The following CADPS2 variants were observed in gnomAD, a reference collection of about 807,000 sequenced individuals.
The protein encoded by CADPS2 is calcium dependent secretion activator 2.
Under a neutral mutation model 172.5 loss-of-function variants are expected in CADPS2, and 93 were observed. The ratio of observed to expected loss-of-function variants is 0.54; its 90% confidence interval spans 0.46 to 0.64. The LOEUF (loss-of-function observed/expected upper bound fraction) is 0.64, where lower values mean the gene tolerates loss of function less well. Among genes scored for constraint, CADPS2 ranks in the 30% least tolerant of loss-of-function variants. The pLI, the probability that CADPS2 is intolerant of heterozygous loss-of-function variation, is 0.00. For synonymous variants in CADPS2, 546 were observed against 555.2 expected (o/e 0.98, Z 0.23); for missense variants, 1,420 against 1,565.9 (o/e 0.91, Z 1.57).
At chr7:122,594,253 A>G (rs2071380616) in intron 6 of CADPS2, among the ~76,000 whole-genome samples, 1 of 151,882 alleles carries the variant, frequency 6.6e-6, no homozygotes, top group Non-Finnish European at 1.5e-5. Context: ...TGGGCAAAAT[A>G]GTGAGACCCA....
At chr7:122,699,495 G>A (rs1286857336) in intron 2 of CADPS2, among the ~76,000 whole-genome samples, 2 of 152,162 alleles carry the variant, frequency 1.3e-5, no homozygotes, top group East Asian at 1.9e-4. Flanking sequence ...AGGCAAAAGT[G>A]GTGAGCTTAG....
rs117720180 is a variant in CADPS2, at chr7:122,371,853, T to C, written c.3387+7515A>G. On this transcript the variant is annotated intron_variant, in intron 25 of 29. Coordinates refer to ENST00000449022, the MANE Select transcript of CADPS2 (RefSeq NM_017954.11). ...ACAATGGGGTGATCAGTACTGCCAA[T>C]GGAGACAGCAAATGCAAAACAAGAG... Among the ~76,000 whole-genome samples, 1,127 of 152,128 alleles carry C rather than the reference T, an allele frequency of 7.4e-3. 7 individuals carry two copies. The highest frequency in any genetic ancestry group is 0.013 in the Non-Finnish European group (864 of 67,994).
chr7:122,406,536 A>C (rs548737453), intron 20 of CADPS2, among the ~76,000 whole-genome samples: 8 of 152,306 alleles, frequency 5.3e-5, no homozygotes, highest in Non-Finnish European at 1.2e-4. Context: ...CATGGTGAGC[A>C]CTGTGTTCTT....
chr7:122,363,722 G>A (rs1013240850), intron 25 of CADPS2, among the ~76,000 whole-genome samples: 8 of 152,104 alleles, frequency 5.3e-5, no homozygotes, highest in Admixed American at 1.3e-4. Context: ...AAAGAACTGT[G>A]AAAATGGCCA....
chr7:122,821,017 A>G (rs1338529883), intron 1 of CADPS2, among the ~76,000 whole-genome samples: 6 of 151,868 alleles, frequency 4.0e-5, no homozygotes, highest in Admixed American at 6.6e-5. Context: ...TGACGCATAT[A>G]CTTTCTGCTT....
chr7:122,531,859 C>T (rs1586912600), intron 8 of CADPS2, among the ~76,000 whole-genome samples: 1 of 151,950 alleles, frequency 6.6e-6, no homozygotes, highest in East Asian at 1.9e-4. Flanking sequence ...GGTGAAACCC[C>T]ATCTCTACTA....
rs564333962 is a variant in CADPS2 at position 122,886,087 on chromosome 7, C to T, written c.251G>A (p.Arg84His). The change falls in exon 1 of 30, where the codon CGC becomes CAC. Residue 84 changes from arginine to histidine, a missense_variant. By Grantham distance (29) the Arg-to-His change is conservative. Coordinates refer to ENST00000449022, the MANE Select transcript of CADPS2 (RefSeq NM_017954.11). ...CACGACGAAGACGTAGAGCTGCAGG[C>T]GGATCCTCCGCTCCTGCTCATCGTC... ...QLDDEQERRIRLQLYVFVVRC... is the reference protein window; with the variant it reads ...QLDDEQERRIHLQLYVFVVRC... 3.8e-6 allele frequency: 6 copies of T among 1,586,136 alleles called. No individual in the cohort carries two copies. The South Asian group carries it at 5.8e-5, about 15-fold the overall frequency.
In CADPS2 at chr7:122,616,223, GTC is replaced by G. The variant is rs1253367734; in HGVS notation, c.1105-926_1105-925del. On this transcript the variant is annotated intron_variant, in intron 5 of 29. Coordinates refer to ENST00000449022, the MANE Select transcript of CADPS2 (RefSeq NM_017954.11). ...TGCATTTTTATATATGTACATTGAT[GTC>G]TTAATTGATCCCATGTGGTATTTGC... Among the ~76,000 whole-genome samples, 22 of 152,106 alleles carry G rather than the reference GTC, an allele frequency of 1.4e-4. No individual in the cohort carries two copies. In the East Asian group the frequency reaches 4.1e-3, roughly 28 times the overall value.
intron 24 of CADPS2, 118 bp from the exon 25 acceptor site, chr7:122,379,560 T>G: frequency 1.4e-6 from 1 of 692,236 alleles, no homozygotes; most frequent in Non-Finnish European, 2.6e-6. Context: ...AATGATCATT[T>G]AGAACATTAA....
intron 17 of CADPS2, among the ~76,000 whole-genome samples, chr7:122,419,464 T>A (rs895088004): frequency 1.3e-5 from 2 of 152,216 alleles, no homozygotes; most frequent in East Asian, 3.9e-4. Context: ...TCACTTATCT[T>A]TCTTAATTTC....
At chr7:122,568,918 A>C (rs1442550684) in intron 7 of CADPS2, among the ~76,000 whole-genome samples, 1 of 152,184 alleles carries the variant, frequency 6.6e-6, no homozygotes, top group Non-Finnish European at 1.5e-5. Context: ...ACCCACAGCC[A>C]ATATCATATT....
intron 1 of CADPS2, among the ~76,000 whole-genome samples, chr7:122,856,927 T>C (rs1252592873): frequency 6.6e-6 from 1 of 152,204 alleles, no homozygotes; most frequent in Non-Finnish European, 1.5e-5. Flanking sequence ...TTATTCAATA[T>C]ATGTTACAAG....
rs2093931393 is a variant in CADPS2, at chr7:122,777,799, CT to C, written c.340-40732del. On this transcript the variant is annotated intron_variant, in intron 1 of 29. Coordinates refer to ENST00000449022, the MANE Select transcript of CADPS2 (RefSeq NM_017954.11). ...CCTGAGGCCTCCTAGCCCTGTGGAA[CT>C]GTGAATCAATTAAACCTCTCTCCTT... Among the ~76,000 whole-genome samples, 4 of 152,088 alleles carry C rather than the reference CT, an allele frequency of 2.6e-5. No individual in the cohort carries two copies. The South Asian group carries it at 8.3e-4, about 32-fold the overall frequency.
intron 1 of CADPS2, among the ~76,000 whole-genome samples, chr7:122,872,964 G>C (rs1294873652): frequency 2.6e-5 from 4 of 152,018 alleles, no homozygotes; most frequent in African/African-American, 9.7e-5. Flanking sequence ...AGAATAGTAA[G>C]CACAAACATA....
At chr7:122,472,292 G>A (rs1200700601) in intron 13 of CADPS2, among the ~76,000 whole-genome samples, 1 of 143,142 alleles carries the variant, frequency 7.0e-6, no homozygotes, top group Admixed American at 7.2e-5. Flanking sequence ...AAAGGGGGCA[G>A]GGTAATCATG....
intron 2 of CADPS2, among the ~76,000 whole-genome samples, chr7:122,665,885 C>A (rs1244347433): frequency 1.3e-5 from 2 of 152,118 alleles, no homozygotes; most frequent in Admixed American, 1.3e-4. Context: ...TAAGGCAACA[C>A]AAATTAATTC....
chr7:122,545,671 AGAAG>A (rs919113975), intron 8 of CADPS2, among the ~76,000 whole-genome samples: 1 of 152,152 alleles, frequency 6.6e-6, no homozygotes, highest in African/African-American at 2.4e-5. Context: ...TAGGGTTGGC[AGAAG>A]GAATAAAAAG....
At chr7:122,811,841 T>A (rs1800087429) in intron 1 of CADPS2, among the ~76,000 whole-genome samples, 1 of 152,172 alleles carries the variant, frequency 6.6e-6, no homozygotes, top group African/African-American at 2.4e-5. Context: ...AAGAATCAGT[T>A]TTTTTCAAGG....
chr7:122,478,945 T>C (rs2056997209), intron 12 of CADPS2, among the ~76,000 whole-genome samples: 1 of 152,096 alleles, frequency 6.6e-6, no homozygotes, highest in African/African-American at 2.4e-5. Flanking sequence ...AATAAAAATA[T>C]ATATATTAAA....
Sources: allele counts gnomAD v4.1 joint callset (sites outside exome capture counted in the v4.1 genomes callset), GRCh38; gene constraint gnomAD v4.1.1; transcripts MANE v1.5; gene names NCBI Gene and HGNC (gene_info 2026-07-23, HGNC 2026-07-21).